Variants in CORIN observed in about 807,000 individuals in gnomAD.
CORIN encodes corin, serine peptidase, also known as atrial natriuretic peptide-converting enzyme.
CORIN carries 117 observed loss-of-function variants against 125.3 expected under a neutral mutation model. The ratio of observed to expected loss-of-function variants is 0.93; its 90% CI spans 0.80 to 1.09. CORIN has a LOEUF of 1.09. Ranked by LOEUF, CORIN falls within the 50% of genes least tolerant of loss-of-function variation. The probability of loss-of-function intolerance (pLI) is 0.00; values close to 1 mark genes in which losing one functional copy is unlikely to be tolerated. For missense variants in CORIN, 1,253 were observed against 1,306.7 expected, an observed-to-expected ratio of 0.96 and a Z score of 0.63; for synonymous variants, 450 against 466.4, an observed-to-expected ratio of 0.96 and a Z score of 0.45.
At chr4:47,668,610 T>G (rs747650431) in intron 10 of CORIN, among the ~76,000 whole-genome samples, 2 of 152,246 alleles carry the variant, frequency 1.3e-5, no homozygotes, top group African/African-American at 2.4e-5. Flanking sequence ...CTTTCTTTCC[T>G]TGTGCATACC....
intron 15 of CORIN, chr4:47,642,743 G>T: frequency 1.1e-6 from 1 of 940,182 alleles, no homozygotes; most frequent in Non-Finnish European, 1.5e-6. Flanking sequence ...ACAGTTAGAA[G>T]TCTTGGACCT....
At chr4:47,781,195 A>G (rs189329553) in intron 3 of CORIN, among the ~76,000 whole-genome samples, 290 of 152,316 alleles carry the variant, frequency 1.9e-3, no homozygotes, top group Non-Finnish European at 3.3e-3. Flanking sequence ...GACTCACTTT[A>G]GATTCAAAGA....
At position 47,693,074 on chromosome 4, in the gene CORIN, C is replaced by T; in HGVS notation, c.809G>A (p.Gly270Glu). 6.2e-7 allele frequency: 1 copy of T among 1,609,462 alleles called. No individual in the cohort carries two copies. The highest frequency in any genetic ancestry group is 8.5e-7 in the Non-Finnish European group (1 of 1,176,116). Residue 270 changes from glycine (G) to glutamate (E), a missense_variant, in exon 6 of 22, where the codon GGA becomes GAA. Transcript: ENST00000273857. ...QQENGKQLLCGRGENFLCASG... is the reference protein window; with the variant it reads ...QQENGKQLLCERGENFLCASG... The stretch of plus-strand genomic sequence containing the variant: ...GGCACACAGAAAGTTCTCACCCCTT[C>T]CACAGAGCACTAAAAAAAAAGGGCA...
intron 1 of CORIN, among the ~76,000 whole-genome samples, chr4:47,817,740 C>T (rs1186432954): frequency 6.6e-6 from 1 of 152,128 alleles, no homozygotes; most frequent in East Asian, 1.9e-4. Context: ...ACATTCAGGG[C>T]CATGGAAAGA....
At chr4:47,687,962 CTGCCCTG>C (rs1209770462) in intron 6 of CORIN, among the ~76,000 whole-genome samples, 2 of 152,122 alleles carry the variant, frequency 1.3e-5, no homozygotes, top group Non-Finnish European at 2.9e-5. Flanking sequence ...TTGTTGGGGG[CTGCCCTG>C]TGCAGGGTAG....
At chr4:47,675,261 G>A (rs1724962592) in intron 9 of CORIN, among the ~76,000 whole-genome samples, 7 of 152,244 alleles carry the variant, frequency 4.6e-5, no homozygotes. Flanking sequence ...ATTACCTTCA[G>A]GCATGTCATC....
chr4:47,763,733 A>ATG (rs1729580789), intron 3 of CORIN, 147 bp from the exon 4 acceptor site: 2 of 623,602 alleles, frequency 3.2e-6, no homozygotes, highest in Non-Finnish European at 5.6e-6. Flanking sequence ...GCATGTAAGT[A>ATG]TGTGTATGTG....
At chr4:47,681,263 A>G (rs938725648) in intron 7 of CORIN, 6 of 152,400 alleles carry the variant, frequency 3.9e-5, no homozygotes, top group Admixed American at 3.3e-4. Context: ...TATAGGGAGG[A>G]CATAGGTTTG....
rs139276077 is a variant in CORIN, at chr4:47,665,259, T to C, written c.1362A>G (p.Gln454=). ...DPNNSLNNCS[Q]CEPITLELCM... is the part of the protein sequence containing the mutation. Reference sequence around the variant, plus strand: ...AGAGTTCCAATGTAATTGGTTCACATTGACCTAACAAAGAAACATACACAC... The same window carrying C: ...AGAGTTCCAATGTAATTGGTTCACACTGACCTAACAAAGAAACATACACAC... The change falls in exon 11 of 22, where the codon CAA becomes CAG. Residue 454 remains glutamine, a synonymous_variant. Transcript: ENST00000273857. The C allele has an allele frequency of 1.8e-4, 283 of 1,603,942 alleles. 1 individual carries two copies. In the African/African-American group the frequency reaches 3.4e-3, roughly 19 times the overall value.
intron 3 of CORIN, among the ~76,000 whole-genome samples, chr4:47,774,535 T>A (rs1184545832): frequency 3.9e-5 from 6 of 152,184 alleles, no homozygotes; most frequent in Admixed American, 2.6e-4. Context: ...TAAAATAAAC[T>A]TAAAAATATG....
intron 14 of CORIN, among the ~76,000 whole-genome samples, chr4:47,643,543 C>T (rs1723328709): frequency 6.6e-6 from 1 of 152,108 alleles, no homozygotes; most frequent in South Asian, 2.1e-4. Flanking sequence ...CGCAGAAATA[C>T]CAAAGATCAG....
At position 47,653,587 on chromosome 4, in the gene CORIN, GGC is replaced by G; in HGVS notation, c.1807_1808del (p.Ala603ArgfsTer3). The G allele has an allele frequency of 6.2e-7, 1 of 1,613,942 alleles. No individual in the cohort carries two copies. The highest frequency in any genetic ancestry group is 8.5e-7 in the Non-Finnish European group (1 of 1,179,954). ...VLASRRCDGQ[A>X]DCDDDSDEEN... Reference sequence around the variant, plus strand: ...CCTCATCACTGTCATCGTCACAGTCGGCCTGGCCATCACATCTTCTGGAAGCC... The same window carrying G: ...CCTCATCACTGTCATCGTCACAGTCGCTGGCCATCACATCTTCTGGAAGCC... On this transcript the variant is annotated frameshift_variant, in exon 13 of 22. Transcript: ENST00000273857. LOFTEE classifies it high-confidence loss of function.
intron 19 of CORIN, among the ~76,000 whole-genome samples, chr4:47,617,111 G>A (rs975335858): frequency 6.6e-6 from 1 of 152,190 alleles, no homozygotes; most frequent in Admixed American, 6.5e-5. Context: ...GATCAGTAAA[G>A]GATGACAAAG....
intron 6 of CORIN, among the ~76,000 whole-genome samples, chr4:47,686,184 A>G (rs1725509476): frequency 6.6e-6 from 1 of 151,862 alleles, no homozygotes; most frequent in Non-Finnish European, 1.5e-5. Context: ...CTAAAAAAAA[A>G]ACAACTTAAA....
At position 47,603,605 on chromosome 4, in the gene CORIN, C is replaced by T; in HGVS notation, c.2604G>A (p.Val868=). The change falls in exon 20 of 22, where the codon GTG becomes GTA. Residue 868 remains valine (V), a synonymous_variant. Transcript: ENST00000273857. ...LGINNLDHPS[V]FMQTRFVKTI... is the part of the protein sequence containing the mutation. ...TCTTCACAAAGCGTGTCTGCATGAA[C>T]ACTGATGGATGGTCTAGATTGTTGA... 1 of 1,614,206 alleles carries T rather than the reference C, an allele frequency of 6.2e-7. No homozygotes were observed. Among genetic ancestry groups the T allele is most frequent in the Non-Finnish European group, 8.5e-7 (1 of 1,180,024 alleles).
intron 16 of CORIN, among the ~76,000 whole-genome samples, chr4:47,641,266 C>T (rs1723220656): frequency 6.6e-6 from 1 of 152,124 alleles, no homozygotes; most frequent in Admixed American, 6.6e-5. Flanking sequence ...CTAATTTCTA[C>T]ATTTCCCCCA....
At chr4:47,775,378 C>T (rs970693139) in intron 3 of CORIN, among the ~76,000 whole-genome samples, 1 of 152,070 alleles carries the variant, frequency 6.6e-6, no homozygotes, top group African/African-American at 2.4e-5. Context: ...CTCCTCCCAC[C>T]CCACGACGGG....
intron 5 of CORIN, among the ~76,000 whole-genome samples, chr4:47,742,534 T>A (rs1024625294): frequency 1.3e-5 from 2 of 152,002 alleles, no homozygotes; most frequent in Non-Finnish European, 2.9e-5. Flanking sequence ...AATCTAAAGA[T>A]GTGCAAGATC....
intron 3 of CORIN, among the ~76,000 whole-genome samples, chr4:47,780,147 C>G (rs956946371): frequency 2.0e-5 from 3 of 150,938 alleles, no homozygotes; most frequent in African/African-American, 7.3e-5. Flanking sequence ...TTGAAGTATT[C>G]TTGGATGGGA....
Sources: gnomAD v4.1 joint callset for allele counts (sites outside exome capture counted in the v4.1 genomes callset) on GRCh38, gnomAD v4.1.1 for gene constraint, MANE v1.5 for transcripts, NCBI Gene and HGNC (gene_info 2026-07-23, HGNC 2026-07-21) for gene names.